TENM2: variants seen among roughly 807,000 people sequenced by gnomAD.
TENM2 encodes the protein teneurin transmembrane protein 2, also known as teneurin-2.
In TENM2, 52 loss-of-function variants were observed where a neutral mutation model predicts 245.2. That is an observed-to-expected ratio of 0.21 (90% CI 0.17 to 0.27). TENM2 has a LOEUF of 0.27. Ranked by LOEUF, TENM2 falls within the 10% of genes least tolerant of loss-of-function variation. TENM2 has a pLI of 1.00. For synonymous variants in TENM2, 1,363 were observed against 1,438.9 expected, an observed-to-expected ratio of 0.95 and a Z score of 1.19; for missense variants, 3,046 against 3,666.8, an observed-to-expected ratio of 0.83 and a Z score of 4.37.
At chr5:167,327,520 C>G (rs1327783019) in intron 1 of TENM2, among the ~76,000 whole-genome samples, 1 of 151,916 alleles carries the variant, frequency 6.6e-6, no homozygotes, top group Non-Finnish European at 1.5e-5. Context: ...GCATAGACAC[C>G]CAGTAAATAC....
chr5:167,032,456 T>C, the TENM2 span, among the ~76,000 whole-genome samples: 1 of 152,214 alleles, frequency 6.6e-6, no homozygotes, highest in Non-Finnish European at 1.5e-5. Flanking sequence ...AGTAAAATCT[T>C]GGAAACCAAC....
the TENM2 span, among the ~76,000 whole-genome samples, chr5:167,066,847 T>G: frequency 6.6e-6 from 1 of 152,188 alleles, no homozygotes; most frequent in Non-Finnish European, 1.5e-5. Flanking sequence ...CTAATCTTTC[T>G]TCAAAAATGG....
At chr5:168,108,504 T>G (rs949769370) in intron 9 of TENM2, among the ~76,000 whole-genome samples, 4 of 152,254 alleles carry the variant, frequency 2.6e-5, no homozygotes, top group Non-Finnish European at 4.4e-5. Context: ...TGTAGAACCA[T>G]GCTTGGCACG....
At chr5:167,791,615 G>A (rs1007971609) in intron 2 of TENM2, among the ~76,000 whole-genome samples, 1 of 150,080 alleles carries the variant, frequency 6.7e-6, no homozygotes, top group Non-Finnish European at 1.5e-5. Flanking sequence ...AAAAACAATT[G>A]GAACCCTAAG....
chr5:167,805,633 C>T (rs992959691), intron 2 of TENM2, among the ~76,000 whole-genome samples: 16 of 152,108 alleles, frequency 1.1e-4, no homozygotes, highest in African/African-American at 3.6e-4. Flanking sequence ...TAACTGTTTA[C>T]TGATTTATTA....
upstream of TENM2, among the ~76,000 whole-genome samples, chr5:167,284,367 G>A (rs1307197581): frequency 6.6e-6 from 1 of 152,012 alleles, no homozygotes; most frequent in Non-Finnish European, 1.5e-5. Flanking sequence ...GAGGGGGGGT[G>A]GTATTTGTTT....
At chr5:167,471,849 A>G (rs1767049491) in intron 2 of TENM2, among the ~76,000 whole-genome samples, 1 of 152,200 alleles carries the variant, frequency 6.6e-6, no homozygotes, top group Non-Finnish European at 1.5e-5. Context: ...AGTATAGTGG[A>G]AAAAGAACTA....
rs185323407 is a variant in TENM2 at position 167,854,734 on chromosome 5, C to T, written c.503-21252C>T. Among the ~76,000 whole-genome samples, 6 of 152,244 alleles carry T rather than the reference C, an allele frequency of 3.9e-5. No homozygotes were observed. In the East Asian group the frequency reaches 5.8e-4, roughly 15 times the overall value. On this transcript the variant is annotated intron_variant, in intron 2 of 28. Coordinates refer to ENST00000518659, the Ensembl canonical transcript of TENM2. ...AGCACATTGCATATATATGTAAATG[C>T]GGTAGGAAGGATGCCCCTTTAAATA... is the stretch of plus-strand genomic sequence containing the variant.
At chr5:167,081,905 A>G in the TENM2 span, among the ~76,000 whole-genome samples, 41 of 152,260 alleles carry the variant, frequency 2.7e-4, 2 homozygotes, top group African/African-American at 8.7e-4. Context: ...TTGTCGTTTC[A>G]GTTTCTTCTG....
chr5:167,534,498 A>G (rs1771721142), intron 2 of TENM2, among the ~76,000 whole-genome samples: 1 of 152,232 alleles, frequency 6.6e-6, no homozygotes. Context: ...CTTTTTTAGC[A>G]TAAGTATGCA....
the TENM2 span, among the ~76,000 whole-genome samples, chr5:167,235,560 C>A: frequency 6.6e-6 from 1 of 152,092 alleles, no homozygotes; most frequent in Non-Finnish European, 1.5e-5. Flanking sequence ...GATGCAAATG[C>A]TATAGTGATT....
chr5:167,717,922 T>G (rs1241160588), intron 2 of TENM2, among the ~76,000 whole-genome samples: 1 of 152,230 alleles, frequency 6.6e-6, no homozygotes, highest in African/African-American at 2.4e-5. Context: ...TCGAAGTTGG[T>G]AGTTCTACCT....
At chr5:167,786,205 A>T (rs1297927829) in intron 2 of TENM2, among the ~76,000 whole-genome samples, 1 of 152,228 alleles carries the variant, frequency 6.6e-6, no homozygotes, top group Admixed American at 6.5e-5. Flanking sequence ...CCTCTGCAGA[A>T]TGCTATTGTT....
At chr5:167,265,971 T>C in the TENM2 span, among the ~76,000 whole-genome samples, 1 of 152,140 alleles carries the variant, frequency 6.6e-6, no homozygotes, top group Non-Finnish European at 1.5e-5. Flanking sequence ...TGAATTTATA[T>C]TAATTGTCTC....
chr5:168,083,749 T>C (rs573979614), intron 7 of TENM2, among the ~76,000 whole-genome samples: 1 of 152,324 alleles, frequency 6.6e-6, no homozygotes, highest in Admixed American at 6.5e-5. Flanking sequence ...AAAAATAATT[T>C]CAGCTTTTTT....
chr5:167,052,003 C>A, the TENM2 span, among the ~76,000 whole-genome samples: 1 of 152,042 alleles, frequency 6.6e-6, no homozygotes, highest in Non-Finnish European at 1.5e-5. Flanking sequence ...TGGATATCTT[C>A]TGTGTATAAT....
At chr5:168,262,721 T>C in exon 29 of TENM2, 1 of 1,611,374 alleles carries the variant, frequency 6.2e-7, no homozygotes, top group Non-Finnish European at 8.5e-7. Flanking sequence ...CGAGGGATAT[T>C]ACGTGCTTCC....
chr5:167,346,096 A>T (rs1433207246), intron 1 of TENM2, among the ~76,000 whole-genome samples: 1 of 152,192 alleles, frequency 6.6e-6, no homozygotes, highest in Non-Finnish European at 1.5e-5. Context: ...GCCAAATAGC[A>T]AGTTACCTAA....
intron 2 of TENM2, among the ~76,000 whole-genome samples, chr5:167,452,795 C>T (rs561168666): frequency 5.2e-4 from 78 of 150,318 alleles, no homozygotes; most frequent in East Asian, 3.4e-3. Flanking sequence ...GTAGGGGGAG[C>T]GGGGAGGGAT....
Sources: gnomAD v4.1 joint callset for allele counts (sites outside exome capture counted in the v4.1 genomes callset) on GRCh38, gnomAD v4.1.1 for gene constraint, MANE v1.5 for transcripts, NCBI Gene and HGNC (gene_info 2026-07-23, HGNC 2026-07-21) for gene names.